NELL1: variants seen among roughly 807,000 people sequenced by gnomAD.
NELL1 encodes the protein neural EGFL like 1.
NELL1 carries 76 observed loss-of-function variants against 107.4 expected under a neutral mutation model. The ratio of observed to expected loss-of-function variants is 0.71; its 90% CI spans 0.59 to 0.86. The LOEUF (loss-of-function observed/expected upper bound fraction) is 0.86. Ranked by LOEUF, NELL1 falls within the 40% of genes least tolerant of loss-of-function variation. NELL1 has a pLI of 0.00. For missense variants in NELL1, 1,024 were observed against 1,005.5 expected (o/e 1.02, Z -0.25); for synonymous variants, 353 against 341.2 (o/e 1.03, Z -0.38).
chr11:20,983,764 A>T (rs6483743), intron 12 of NELL1, among the ~76,000 whole-genome samples: 22,454 of 151,850 alleles, frequency 0.15, 2,077 homozygotes, highest in East Asian at 0.26. Context: ...TTGGTTTTGG[A>T]TGTTGTACAC....
chr11:21,272,773 G>T (rs1393241782), intron 14 of NELL1, among the ~76,000 whole-genome samples: 1 of 152,198 alleles, frequency 6.6e-6, no homozygotes, highest in Non-Finnish European at 1.5e-5. Flanking sequence ...AGCCTCCACT[G>T]CTGATACTCA....
At chr11:20,690,197 A>G (rs1457684080) in intron 2 of NELL1, among the ~76,000 whole-genome samples, 4 of 152,070 alleles carry the variant, frequency 2.6e-5, no homozygotes, top group East Asian at 1.9e-4. Flanking sequence ...TTGTCAGATG[A>G]GTAGGTTGTG....
At chr11:20,981,501 T>A (rs1031358869) in intron 12 of NELL1, among the ~76,000 whole-genome samples, 2 of 152,164 alleles carry the variant, frequency 1.3e-5, no homozygotes, top group South Asian at 4.1e-4. Flanking sequence ...TGATGTAAAG[T>A]TCCTACTTTA....
chr11:21,081,388 T>A (rs544520923), intron 12 of NELL1, among the ~76,000 whole-genome samples: 1 of 152,240 alleles, frequency 6.6e-6, no homozygotes, highest in South Asian at 2.1e-4. Flanking sequence ...CTTTTCCTTT[T>A]TTTCCCCCCT....
chr11:20,774,783 A>G (rs948348712), intron 2 of NELL1, among the ~76,000 whole-genome samples: 1 of 152,170 alleles, frequency 6.6e-6, no homozygotes, highest in Non-Finnish European at 1.5e-5. Flanking sequence ...AAGAACATCG[A>G]GAGCATCTCT....
chr11:21,066,408 T>C (rs1301858046), intron 12 of NELL1, among the ~76,000 whole-genome samples: 1 of 152,214 alleles, frequency 6.6e-6, no homozygotes, highest in African/African-American at 2.4e-5. Context: ...GGCCTTTATT[T>C]TTGTTTTAAA....
chr11:21,372,244 G>A (rs574238059), intron 15 of NELL1, among the ~76,000 whole-genome samples: 1 of 151,192 alleles, frequency 6.6e-6, no homozygotes, highest in South Asian at 2.1e-4. Context: ...TGTCTTTACT[G>A]AACTACATTT....
At chr11:21,344,378 G>C (rs1323088005) in intron 14 of NELL1, among the ~76,000 whole-genome samples, 1 of 152,146 alleles carries the variant, frequency 6.6e-6, no homozygotes, top group Non-Finnish European at 1.5e-5. Context: ...CATACATGTG[G>C]GCACTGGGCT....
At chr11:21,543,002 T>C (rs1346385954) in intron 16 of NELL1, among the ~76,000 whole-genome samples, 1 of 151,952 alleles carries the variant, frequency 6.6e-6, no homozygotes, top group Non-Finnish European at 1.5e-5. Flanking sequence ...AAGTGTGCTG[T>C]TTTTTCTATT....
intron 1 of NELL1, among the ~76,000 whole-genome samples, chr11:20,671,805 TTG>T (rs1853918979): frequency 6.6e-6 from 1 of 152,008 alleles, no homozygotes; most frequent in Admixed American, 6.6e-5. Flanking sequence ...GAGTATAAGT[TTG>T]TATTAAGGAA....
At position 21,398,058 on chromosome 11, in the gene NELL1, A is replaced by G. The variant is rs180681472; in HGVS notation, c.1645+27110A>G. Among the ~76,000 whole-genome samples, 648 of 151,314 alleles carry G rather than the reference A, an allele frequency of 4.3e-3. 4 individuals are homozygous for G. The highest frequency in any genetic ancestry group is 0.014 in the Middle Eastern group (4 of 290). ...TAAAAATAGTATATTTATATATTATATAAATTTAAAATATGTATTTGCAAT... is the reference window on the plus strand; with the variant it reads ...TAAAAATAGTATATTTATATATTATGTAAATTTAAAATATGTATTTGCAAT... On this transcript the variant is annotated intron_variant, in intron 15 of 19. Coordinates refer to ENST00000357134, the MANE Select transcript of NELL1 (RefSeq NM_006157.5).
intron 14 of NELL1, among the ~76,000 whole-genome samples, chr11:21,310,881 C>G (rs1849735493): frequency 6.6e-6 from 1 of 152,110 alleles, no homozygotes; most frequent in African/African-American, 2.4e-5. Context: ...ATATATTCAT[C>G]TGTATCTGAT....
chr11:20,887,541 C>T (rs982829086), intron 5 of NELL1, among the ~76,000 whole-genome samples: 3 of 152,150 alleles, frequency 2.0e-5, no homozygotes, highest in African/African-American at 4.8e-5. Flanking sequence ...AGATCCCATG[C>T]GTGACTGAGT....
intron 3 of NELL1, among the ~76,000 whole-genome samples, chr11:20,841,123 T>A (rs116386705): frequency 0.013 from 1,926 of 152,262 alleles, 49 homozygotes; most frequent in African/African-American, 0.043. Context: ...TACTTCCCAG[T>A]TCAATGTTAA....
chr11:21,163,704 A>T (rs1037106167), intron 13 of NELL1, among the ~76,000 whole-genome samples: 5 of 152,110 alleles, frequency 3.3e-5, no homozygotes, highest in African/African-American at 1.2e-4. Context: ...GTTTCTGATG[A>T]GGGTTCTCTT....
intron 2 of NELL1, 38 bp downstream of exon 2, chr11:20,678,098 G>A (rs1322851957): frequency 6.2e-7 from 1 of 1,612,180 alleles, no homozygotes; most frequent in Non-Finnish European, 8.5e-7. Flanking sequence ...GGCAGAGGTT[G>A]GGGAGGAGGG....
At chr11:21,126,154 C>T (rs908740243) in intron 13 of NELL1, among the ~76,000 whole-genome samples, 3 of 152,230 alleles carry the variant, frequency 2.0e-5, no homozygotes, top group African/African-American at 7.2e-5. Flanking sequence ...CATTGTAACT[C>T]CATAGGCTCA....
intron 14 of NELL1, among the ~76,000 whole-genome samples, chr11:21,342,702 G>GGAGAGAGAGAGA (rs34390468): frequency 2.1e-5 from 3 of 145,110 alleles, no homozygotes; most frequent in African/African-American, 5.1e-5. Context: ...GAAGGAAGAG[G>GGAGAGAGAGAGA]GAGAGAGAGA....
chr11:20,785,567 A>C (rs1856937291), intron 3 of NELL1, among the ~76,000 whole-genome samples: 1 of 152,212 alleles, frequency 6.6e-6, no homozygotes, highest in African/African-American at 2.4e-5. Flanking sequence ...GATACTTCTC[A>C]ATGAATGCAG....
Sources: allele counts gnomAD v4.1 joint callset (sites outside exome capture counted in the v4.1 genomes callset), GRCh38; gene constraint gnomAD v4.1.1; transcripts MANE v1.5; gene names NCBI Gene and HGNC (gene_info 2026-07-23, HGNC 2026-07-21).